SOS1: variants seen among roughly 807,000 people sequenced by gnomAD.
SOS1 encodes the protein son of sevenless homolog 1.
A neutral mutation model predicts 157.6 loss-of-function variants in SOS1; 25 were observed. That is an observed-to-expected ratio of 0.16 (90% CI 0.12 to 0.22). SOS1 has a LOEUF of 0.22. Among genes scored for constraint, SOS1 ranks in the 10% least tolerant of loss-of-function variants. The pLI is 1.00. For missense variants in SOS1, 1,237 were observed against 1,599.1 expected, an observed-to-expected ratio of 0.77 and a Z score of 3.86; for synonymous variants, 528 against 534.0, an observed-to-expected ratio of 0.99 and a Z score of 0.16.
chr2:39,079,893 TTTTGTGGAAGACA>T (rs987745710), intron 1 of SOS1, among the ~76,000 whole-genome samples: 1 of 152,034 alleles, frequency 6.6e-6, no homozygotes, highest in African/African-American at 2.4e-5. Flanking sequence ...GAGGGACTGG[TTTTGTGGAAGACA>T]ATTTTTCCAC....
At chr2:39,089,996 C>T (rs1393552356) in intron 1 of SOS1, among the ~76,000 whole-genome samples, 2 of 149,612 alleles carry the variant, frequency 1.3e-5, no homozygotes, top group Admixed American at 1.3e-4. Flanking sequence ...AAAAATTAGC[C>T]AGGCATGGTG....
rs377632401 is a variant in SOS1 at position 38,991,450 on chromosome 2, A to G, written c.3347-2136T>C. The stretch of plus-strand genomic sequence containing the variant: ...TCTGACTCCCTTTTATGACCAGGCA[A>G]TCTTCAAACAGGAAGGTAAAAAGAG... On this transcript the variant is annotated intron_variant, in intron 20 of 22. Transcript: ENST00000402219. Among the ~76,000 whole-genome samples the G allele has an allele frequency of 1.6e-4, 25 of 152,306 alleles. 1 individual carries two copies. The East Asian group carries it at 3.1e-3, about 19-fold the overall frequency.
intron 1 of SOS1, among the ~76,000 whole-genome samples, chr2:39,080,012 C>T (rs1672145370): frequency 6.6e-6 from 1 of 152,016 alleles, no homozygotes; most frequent in South Asian, 2.1e-4. Flanking sequence ...AACTTTTCCA[C>T]AGACTCGGGT....
At chr2:39,096,835 G>A (rs941589455) in intron 1 of SOS1, among the ~76,000 whole-genome samples, 1 of 151,332 alleles carries the variant, frequency 6.6e-6, no homozygotes, top group African/African-American at 2.4e-5. Context: ...GCAGTGAGCC[G>A]AGATCGCGCC....
intron 6 of SOS1, 21 bp downstream of exon 6, chr2:39,051,123 G>A: frequency 6.2e-7 from 1 of 1,611,266 alleles, no homozygotes; most frequent in Non-Finnish European, 8.5e-7. Flanking sequence ...GACTTTTCGG[G>A]TATATAATTG....
intron 11 of SOS1, 125 bp from the exon 12 acceptor site, chr2:39,014,114 G>A (rs1019878174): frequency 1.5e-6 from 1 of 673,380 alleles, no homozygotes; most frequent in South Asian, 1.7e-5. Context: ...CTGAAGATAT[G>A]CATATCAGTG....
chr2:39,023,536 TA>T lies in SOS1; in HGVS notation c.1203-312del, dbSNP rs1158389236. ...ACTAATAAAAAGTAGCCCAATACAG[TA>T]AAAAAAAGTAATCTGAAAGATTAAA... is the stretch of plus-strand genomic sequence containing the variant. On this transcript the variant is annotated intron_variant, in intron 9 of 22. Coordinates refer to ENST00000402219, the MANE Select transcript of SOS1 (RefSeq NM_005633.4). Among the ~76,000 whole-genome samples, 3 of 151,800 alleles carry T rather than the reference TA, an allele frequency of 2.0e-5. No individual in the cohort carries two copies. In the East Asian group the frequency reaches 5.8e-4, roughly 29 times the overall value.
chr2:39,036,685 T>G (rs1156611941), intron 6 of SOS1, among the ~76,000 whole-genome samples: 1 of 151,612 alleles, frequency 6.6e-6, no homozygotes, highest in East Asian at 2.0e-4. Flanking sequence ...GCCATTCTCC[T>G]GCCTCAGCCT....
rs1182962835 is a variant in SOS1, at chr2:39,067,757, T to C, written c.88-4A>G. 3 of 1,611,542 alleles carry C rather than the reference T, an allele frequency of 1.9e-6. No individual in the cohort carries two copies. Among genetic ancestry groups the C allele is most frequent in the African/African-American group, 1.3e-5 (1 of 74,840 alleles). ...TAGGATGAACTTGCCCCTGGACCTA[T>C]AAACAAAAAGCAAAGTAATTAAAAT... On this transcript the variant is annotated splice_region_variant and splice_polypyrimidine_tract_variant and intron_variant, in intron 1 of 22. Coordinates refer to ENST00000402219, the MANE Select transcript of SOS1 (RefSeq NM_005633.4).
chr2:39,007,821 A>G (rs181871444), intron 15 of SOS1, among the ~76,000 whole-genome samples: 13 of 152,296 alleles, frequency 8.5e-5, no homozygotes, highest in African/African-American at 2.4e-4. Flanking sequence ...ACACATACAC[A>G]CAAACACACA....
In SOS1 at chr2:39,048,535, G is replaced by A. The variant is rs140168759; in HGVS notation, c.864+2609C>T. Reference sequence around the variant, plus strand: ...CGTGTCTCAGTCTCCTGAGTAGCTGGGATTACAGGCTCCCACCACCATGCC... The same window carrying A: ...CGTGTCTCAGTCTCCTGAGTAGCTGAGATTACAGGCTCCCACCACCATGCC... On this transcript the variant is annotated intron_variant, in intron 6 of 22. Transcript: ENST00000402219. 2.0e-5 allele frequency among the ~76,000 whole-genome samples: 3 copies of A among 151,996 alleles called. No individual in the cohort carries two copies. In the East Asian group the frequency reaches 5.8e-4, roughly 29 times the overall value.
chr2:39,021,197 CATT>C (rs1669783216), intron 10 of SOS1, among the ~76,000 whole-genome samples: 6 of 151,488 alleles, frequency 4.0e-5, no homozygotes. Flanking sequence ...CTTTACCTAA[CATT>C]GTACACATTA....
At chr2:39,075,487 A>G (rs1024552232) in intron 1 of SOS1, among the ~76,000 whole-genome samples, 14 of 152,132 alleles carry the variant, frequency 9.2e-5, no homozygotes, top group Middle Eastern at 3.2e-3. Flanking sequence ...GAAATAAAGA[A>G]AAGCAACAGT....
At chr2:39,065,609 T>A (rs1404551736) in intron 2 of SOS1, among the ~76,000 whole-genome samples, 2 of 152,212 alleles carry the variant, frequency 1.3e-5, no homozygotes, top group Non-Finnish European at 2.9e-5. Flanking sequence ...TACTGAGAAC[T>A]CTAGTACCCT....
chr2:39,079,279 GAAC>G (rs1293728291), intron 1 of SOS1, among the ~76,000 whole-genome samples: 2 of 151,816 alleles, frequency 1.3e-5, no homozygotes, highest in Admixed American at 1.3e-4. Flanking sequence ...ATAAGTTACA[GAAC>G]AATAGAAACA....
At chr2:39,103,373 G>C (rs911312474) in intron 1 of SOS1, among the ~76,000 whole-genome samples, 1 of 151,986 alleles carries the variant, frequency 6.6e-6, no homozygotes, top group Non-Finnish European at 1.5e-5. Flanking sequence ...AAAAAAGTTG[G>C]AACACTCACA....
rs146851946 is a variant in SOS1 at position 39,101,317 on chromosome 2, C to T, written c.87+19019G>A. On this transcript the variant is annotated intron_variant, in intron 1 of 22. Transcript: ENST00000402219. ...CTGCCCCATGACCCCGAACACTTCCCACCAGGCCCCCACTGTCTAACACTG... is the reference window on the plus strand; with the variant it reads ...CTGCCCCATGACCCCGAACACTTCCTACCAGGCCCCCACTGTCTAACACTG... 1.8e-4 allele frequency among the ~76,000 whole-genome samples: 27 copies of T among 152,276 alleles called. 1 individual carries two copies. Among genetic ancestry groups the T allele is most frequent in the African/African-American group, 5.3e-4 (22 of 41,556 alleles).
chr2:39,120,896 G>T lies in SOS1; in HGVS notation c.-474C>A, dbSNP rs1673857171. 1 of 133,940 alleles carries T rather than the reference G, an allele frequency of 7.5e-6. No homozygotes were observed. Among genetic ancestry groups the T allele is most frequent in the Non-Finnish European group, 1.7e-5 (1 of 59,752 alleles). The allele number at this position is 133,940 out of a possible 1,614,324, so 8.3% of individuals were successfully genotyped here. A position where few individuals can be genotyped will look rare whatever the true frequency, so the allele number is the denominator to read the frequency against. ...GAAACGCAAGAGCCCCGGGCGGGGC[G>T]GAGCTGGGGCGGAGGTCTCGCGGGG... On this transcript the variant is annotated 5_prime_UTR_variant, in exon 1 of 23. Transcript: ENST00000402219.
chr2:39,114,001 C>G (rs546846088), intron 1 of SOS1, among the ~76,000 whole-genome samples: 47 of 152,344 alleles, frequency 3.1e-4, no homozygotes, highest in Admixed American at 2.2e-3. Flanking sequence ...ACATAGTGAC[C>G]AATGACCCCT....
Sources: allele counts gnomAD v4.1 joint callset (sites outside exome capture counted in the v4.1 genomes callset), GRCh38; gene constraint gnomAD v4.1.1; transcripts MANE v1.5; gene names NCBI Gene and HGNC (gene_info 2026-07-23, HGNC 2026-07-21).